Variants in FHIT observed in about 807,000 individuals in gnomAD.
FHIT encodes bis(5'-adenosyl)-triphosphatase.
Under a neutral mutation model 17.9 loss-of-function variants are expected in FHIT, and 19 were observed. The ratio of observed to expected loss-of-function variants is 1.06; its 90% CI spans 0.74 to 1.56. FHIT has a LOEUF of 1.56. Among genes scored for constraint, FHIT ranks in the 40% most tolerant of loss-of-function variants. The pLI is 0.00. For missense variants in FHIT, 248 were observed against 189.2 expected, an observed-to-expected ratio of 1.31 and a Z score of -1.82; for synonymous variants, 81 against 69.7, an observed-to-expected ratio of 1.16 and a Z score of -0.81.
At position 59,861,332 on chromosome 3, in the gene FHIT, T is replaced by C. The variant is rs1216340718; in HGVS notation, c.348+61014A>G. 2.6e-5 allele frequency among the ~76,000 whole-genome samples: 4 copies of C among 152,212 alleles called. No individual in the cohort carries two copies. In the East Asian group the frequency reaches 7.7e-4, roughly 29 times the overall value. The stretch of plus-strand genomic sequence containing the variant: ...GAATAGGCAGCACTGGCAATACTTC[T>C]GTGCCCTAATGTCATTCTCTGAAGC... On this transcript the variant is annotated intron_variant, in intron 8 of 9. Coordinates refer to ENST00000492590, the MANE Select transcript of FHIT (RefSeq NM_002012.4).
chr3:60,575,481 C>T (rs1474387842), intron 4 of FHIT, among the ~76,000 whole-genome samples: 1 of 151,846 alleles, frequency 6.6e-6, no homozygotes, highest in Non-Finnish European at 1.5e-5. Flanking sequence ...GGAAGGGAGA[C>T]CCAATGGAAA....
chr3:61,081,496 G>A (rs902527863), intron 2 of FHIT, among the ~76,000 whole-genome samples: 4 of 152,254 alleles, frequency 2.6e-5, no homozygotes, highest in Non-Finnish European at 4.4e-5. Flanking sequence ...AACCATCATC[G>A]TAGCCTTTTA....
At chr3:60,275,931 C>T (rs555571276) in intron 5 of FHIT, among the ~76,000 whole-genome samples, 2 of 152,044 alleles carry the variant, frequency 1.3e-5, no homozygotes, top group South Asian at 4.2e-4. Flanking sequence ...AATTATTGCT[C>T]TCCTTCAAGC....
At chr3:59,759,037 T>G (rs1701366790) in intron 8 of FHIT, among the ~76,000 whole-genome samples, 1 of 151,950 alleles carries the variant, frequency 6.6e-6, no homozygotes, top group African/African-American at 2.4e-5. Context: ...AGGGCAGGCT[T>G]TTAAAGGAAG....
chr3:59,824,034 C>T (rs1700891337), intron 8 of FHIT, among the ~76,000 whole-genome samples: 1 of 152,188 alleles, frequency 6.6e-6, no homozygotes, highest in Admixed American at 6.5e-5. Flanking sequence ...AAATCAGTAG[C>T]TCTGCTATAC....
At chr3:60,577,419 A>C (rs1007630868) in intron 4 of FHIT, among the ~76,000 whole-genome samples, 1 of 152,190 alleles carries the variant, frequency 6.6e-6, no homozygotes, top group Non-Finnish European at 1.5e-5. Context: ...ACTGTCCATT[A>C]AATATCTGAA....
intron 5 of FHIT, among the ~76,000 whole-genome samples, chr3:60,380,535 G>C (rs1341431257): frequency 6.6e-6 from 1 of 152,136 alleles, no homozygotes; most frequent in African/African-American, 2.4e-5. Context: ...AGGATACTGA[G>C]ACTCACAGTA....
intron 5 of FHIT, among the ~76,000 whole-genome samples, chr3:60,079,078 TC>T (rs1703160239): frequency 6.6e-6 from 1 of 152,044 alleles, no homozygotes; most frequent in Non-Finnish European, 1.5e-5. Context: ...CACAGGGTGA[TC>T]GGGGTGGACA....
At chr3:60,732,395 C>T (rs782402856) in intron 4 of FHIT, 16 of 778,342 alleles carry the variant, frequency 2.1e-5, no homozygotes, top group Non-Finnish European at 3.3e-5. Context: ...CATCAAATTT[C>T]TACCTGTAGA....
chr3:60,640,156 G>A (rs934413122), intron 4 of FHIT, among the ~76,000 whole-genome samples: 1 of 152,166 alleles, frequency 6.6e-6, no homozygotes, highest in East Asian at 1.9e-4. Context: ...CCACAGTGTG[G>A]CACAAGGAAA....
At chr3:59,775,385 T>C (rs492695) in intron 8 of FHIT, among the ~76,000 whole-genome samples, 147,946 of 152,274 alleles carry the variant, frequency 0.97, 72,017 homozygotes, top group Middle Eastern at 1. Flanking sequence ...AAAATCTAGT[T>C]GTAAGTAATT....
chr3:60,085,999 T>A (rs1395780493), intron 5 of FHIT, among the ~76,000 whole-genome samples: 1 of 152,182 alleles, frequency 6.6e-6, no homozygotes, highest in African/African-American at 2.4e-5. Flanking sequence ...AGAGGTTTAT[T>A]TGGCTCATGA....
chr3:60,955,633 T>TATATATATATATATATATACACAC (rs1272864632), intron 3 of FHIT, among the ~76,000 whole-genome samples: 4 of 39,546 alleles, frequency 1.0e-4, no homozygotes, highest in South Asian at 8.6e-4. Flanking sequence ...TATATATATA[T>TATATATATATATATATATACACAC]ACACACACAC....
chr3:59,900,672 G>A (rs1704285618), intron 8 of FHIT, among the ~76,000 whole-genome samples: 1 of 152,112 alleles, frequency 6.6e-6, no homozygotes, highest in South Asian at 2.1e-4. Flanking sequence ...GGAGTGCAGT[G>A]GTGCGATCTC....
At chr3:60,796,521 A>G (rs898046294) in intron 4 of FHIT, among the ~76,000 whole-genome samples, 9 of 152,040 alleles carry the variant, frequency 5.9e-5, no homozygotes, top group African/African-American at 1.7e-4. Context: ...GTGTCTAGAT[A>G]TTTTTCAAGT....
chr3:60,133,681 C>A (rs1408395821), intron 5 of FHIT, among the ~76,000 whole-genome samples: 1 of 151,766 alleles, frequency 6.6e-6, no homozygotes, highest in Non-Finnish European at 1.5e-5. Context: ...TAGCACAACC[C>A]ATTCACATAC....
intron 5 of FHIT, among the ~76,000 whole-genome samples, chr3:60,535,034 G>A (rs1469289591): frequency 6.6e-6 from 1 of 152,056 alleles, no homozygotes; most frequent in Non-Finnish European, 1.5e-5. Flanking sequence ...TTAAAAAGTG[G>A]CCAACATGGC....
At chr3:60,250,750 T>C (rs1705665042) in intron 5 of FHIT, among the ~76,000 whole-genome samples, 1 of 152,160 alleles carries the variant, frequency 6.6e-6, no homozygotes, top group African/African-American at 2.4e-5. Context: ...TACTCCAAAG[T>C]ACCTTCCTTT....
chr3:59,912,480 G>A (rs1704926699), intron 8 of FHIT, among the ~76,000 whole-genome samples: 1 of 152,142 alleles, frequency 6.6e-6, no homozygotes, highest in Admixed American at 6.5e-5. Flanking sequence ...ACCTAAATGT[G>A]CAATGTCCTT....
Sources: allele counts gnomAD v4.1 joint callset (sites outside exome capture counted in the v4.1 genomes callset), GRCh38; gene constraint gnomAD v4.1.1; transcripts MANE v1.5; gene names NCBI Gene and HGNC (gene_info 2026-07-23, HGNC 2026-07-21).